Variants in STOML2 observed in about 807,000 individuals in gnomAD.
The protein encoded by STOML2 is stomatin-like protein 2, mitochondrial.
STOML2 carries 22 observed loss-of-function variants against 45.7 expected under a neutral mutation model. The ratio of observed to expected loss-of-function variants is 0.48; its 90% CI spans 0.34 to 0.69. The LOEUF (loss-of-function observed/expected upper bound fraction) is 0.69, where lower values mean the gene tolerates loss of function less well. STOML2 is among the 30% of genes least tolerant of loss of function. The pLI, the probability that STOML2 is intolerant of heterozygous loss-of-function variation, is 0.01. For missense variants in STOML2, 359 were observed against 466.9 expected (o/e 0.77, Z 2.13); for synonymous variants, 181 against 182.7 (o/e 0.99, Z 0.08).
At chr9:35,100,426 A>C (rs1829791774) in intron 9 of STOML2, among the ~76,000 whole-genome samples, 172 bp downstream of exon 9, 1 of 152,238 alleles carries the variant, frequency 6.6e-6, no homozygotes, top group Non-Finnish European at 1.5e-5. Context: ...TATTTGCAGG[A>C]CTGAGTGGAG....
rs1829855273 is a variant in STOML2, at chr9:35,102,902, A to G, written c.46-79T>C. The G allele has an allele frequency of 6.3e-7, 1 of 1,581,108 alleles. No individual in the cohort carries two copies. Among genetic ancestry groups the G allele is most frequent in the African/African-American group, 1.4e-5 (1 of 73,918 alleles). Reference sequence around the variant, plus strand: ...CTCGGTCCTGAAGGCATCTCCATAAACCACGACCCTCAGGATCCTCGGAGA... The same window carrying G: ...CTCGGTCCTGAAGGCATCTCCATAAGCCACGACCCTCAGGATCCTCGGAGA... On this transcript the variant is annotated intron_variant, in intron 1 of 9. Transcript: ENST00000356493. This position sits in a 1 kb window ranked among gnomAD's most constrained non-coding sequence, Gnocchi z 4.8.
chr9:35,101,794 C>T lies in STOML2; in HGVS notation c.360G>A (p.Glu120=), dbSNP rs764471819. ...GCTGGGTGACGGCATACTCAGGGTC[C>T]TCCACACCGTAGCTTGCCTGAGATG... The part of the protein sequence containing the change: ...MDPYKASYGV[E]DPEYAVTQLA... Residue 120 remains glutamate, a synonymous_variant, in exon 5 of 10, where the codon GAG becomes GAA. Transcript: ENST00000356493. This position sits in a 1 kb window ranked among gnomAD's most constrained non-coding sequence, Gnocchi z 4.3. 2 of 1,614,056 alleles carry T rather than the reference C, an allele frequency of 1.2e-6. No homozygotes were observed. The highest frequency in any genetic ancestry group is 1.7e-6 in the Non-Finnish European group (2 of 1,180,030).
chr9:35,101,925 C>G lies in STOML2; in HGVS notation c.321G>C (p.Leu107=). ...GTACCTTGTAAGGGTCCATGATGCG[C>G]AGGTAAAGGACTCCATCGATTTGCA... ...VTLQIDGVLY[L]RIMDPYKASY... is the part of the protein sequence containing the mutation. The change falls in exon 4 of 10, where the codon CTG becomes CTC. Residue 107 remains leucine (L), a synonymous_variant. Coordinates refer to ENST00000356493, the MANE Select transcript of STOML2 (RefSeq NM_013442.3). The surrounding 1 kb of genome is among the most constrained non-coding windows in gnomAD (Gnocchi z 4.3). 3 of 1,614,086 alleles carry G rather than the reference C, an allele frequency of 1.9e-6. No individual in the cohort carries two copies. The highest frequency in any genetic ancestry group is 2.5e-6 in the Non-Finnish European group (3 of 1,180,014).
Position 35,099,965 on chromosome 9 carries a change from G to T in STOML2, c.*70C>A. The T allele has an allele frequency of 6.4e-7, 1 of 1,557,358 alleles. No homozygotes were observed. The highest frequency in any genetic ancestry group is 8.7e-7 in the Non-Finnish European group (1 of 1,145,914). ...AAAAATAAAAACCAAAATCTTGGCA[G>T]GGAAGCTAGAGCCAGAATCAGGAAA... On this transcript the variant is annotated 3_prime_UTR_variant, in exon 10 of 10. Transcript: ENST00000356493.
rs1030977193 is a variant in STOML2, at chr9:35,102,349, C to T, written c.184-155G>A. On this transcript the variant is annotated intron_variant, in intron 2 of 9. Coordinates refer to ENST00000356493, the MANE Select transcript of STOML2 (RefSeq NM_013442.3). The surrounding 1 kb of genome is among the most constrained non-coding windows in gnomAD (Gnocchi z 4.8). Reference sequence around the variant, plus strand: ...AAGTCCTCAGAAGGCTGAGGTGTCACTGGTAAGAAAACCCAAGAGAACAGG... The same window carrying T: ...AAGTCCTCAGAAGGCTGAGGTGTCATTGGTAAGAAAACCCAAGAGAACAGG... 4 of 698,566 alleles carry T rather than the reference C, an allele frequency of 5.7e-6. No individual in the cohort carries two copies. The highest frequency in any genetic ancestry group is 5.4e-5 in the African/African-American group (3 of 55,458). 43.3% of individuals were successfully genotyped at this position (698,566 alleles called of 1,614,324 possible).
Position 35,103,054 on chromosome 9 carries a change from A to G in STOML2, c.41T>C (p.Leu14Pro). The change falls in exon 1 of 10, where the codon CTG becomes CCG. Residue 14 changes from leucine to proline, a missense_variant. Around this residue, in one of 2 missense-constraint regions of STOML2, gnomAD observed 74 missense variants for 45.0 expected, o/e 1.65. Coordinates refer to ENST00000356493, the MANE Select transcript of STOML2 (RefSeq NM_013442.3). ...GAAAGGTTGCCTCGCTCTCACCCTC[A>G]GCAAAAGGGCCCCAGTGCCCCGCGC... ...RAARGTGALL[L>P]RGSLLASGRA... 6.2e-7 allele frequency: 1 copy of G among 1,614,016 alleles called. No individual in the cohort carries two copies. Among genetic ancestry groups the G allele is most frequent in the Non-Finnish European group, 8.5e-7 (1 of 1,179,988 alleles).
chr9:35,102,435 G>A lies in STOML2; in HGVS notation c.184-241C>T, dbSNP rs1451146500. ...CATGAGAATCGGAGCCAGCAGAATA[G>A]CCATCTCTATGCAGACTGAGAGGTA... On this transcript the variant is annotated intron_variant, in intron 2 of 9. Transcript: ENST00000356493. This position sits in a 1 kb window ranked among gnomAD's most constrained non-coding sequence, Gnocchi z 4.8. 2 of 667,412 alleles carry A rather than the reference G, an allele frequency of 3.0e-6. No individual in the cohort carries two copies. The highest frequency in any genetic ancestry group is 2.5e-6 in the Non-Finnish European group (1 of 397,976). The allele number at this position is 667,412 out of a possible 1,614,324, so 41.3% of individuals were successfully genotyped here.
rs1466885292 is a variant in STOML2, at chr9:35,100,082, T to C, written c.1024A>G (p.Thr342Ala). ...AGTTCCTCATCAAGACTTGCATCTG[T>C]ACCCTGGACATCTCTGCTGCTCCCA... is the stretch of plus-strand genomic sequence containing the variant. ...SSGSSRDVQGTDASLDEELDR... is the reference protein window; with the variant it reads ...SSGSSRDVQGADASLDEELDR... The change falls in exon 10 of 10, where the codon ACA (threonine) becomes GCA (alanine). Residue 342 changes from threonine to alanine, a missense_variant. By Grantham distance (58) the Thr-to-Ala change is moderately conservative. This residue lies in a region of STOML2 where 285 missense variants were observed against 422.0 expected (regional missense o/e 0.68). Coordinates refer to ENST00000356493, the MANE Select transcript of STOML2 (RefSeq NM_013442.3). 3 of 1,614,114 alleles carry C rather than the reference T, an allele frequency of 1.9e-6. No individual in the cohort carries two copies. Among genetic ancestry groups the C allele is most frequent in the Non-Finnish European group, 2.5e-6 (3 of 1,180,048 alleles).
At position 35,101,977 on chromosome 9, in the gene STOML2, G is replaced by C. The variant is rs374440519; in HGVS notation, c.284-15C>G. On this transcript the variant is annotated splice_polypyrimidine_tract_variant and intron_variant, in intron 3 of 9. Transcript: ENST00000356493. The surrounding 1 kb of genome is among the most constrained non-coding windows in gnomAD (Gnocchi z 4.3). ...AGTTACATTGTCTGTAGAACCAGGA[G>C]AGAAAACGGGGAAAGTCAGGCCTCT... The C allele has an allele frequency of 2.5e-6, 4 of 1,614,034 alleles. No individual in the cohort carries two copies. The highest frequency in any genetic ancestry group is 3.4e-6 in the Non-Finnish European group (4 of 1,180,038).
chr9:35,101,614 A>G lies in STOML2; in HGVS notation c.445-54T>C. Reference sequence around the variant, plus strand: ...CTCAACCTACCTATCAAGGGCCTACACTGAGAAGGGCCTGGGACTGATCTT... The same window carrying G: ...CTCAACCTACCTATCAAGGGCCTACGCTGAGAAGGGCCTGGGACTGATCTT... On this transcript the variant is annotated intron_variant, in intron 5 of 9. Coordinates refer to ENST00000356493, the MANE Select transcript of STOML2 (RefSeq NM_013442.3). The surrounding 1 kb of genome is among the most constrained non-coding windows in gnomAD (Gnocchi z 4.3). 6.2e-7 allele frequency: 1 copy of G among 1,613,898 alleles called. No individual in the cohort carries two copies. The highest frequency in any genetic ancestry group is 1.1e-5 in the South Asian group (1 of 91,078).
intron 9 of STOML2, 88 bp from the exon 10 acceptor site, chr9:35,100,260 T>C (rs1394126689): frequency 3.3e-6 from 5 of 1,535,386 alleles, no homozygotes; most frequent in East Asian, 4.5e-5. Flanking sequence ...AAAGATGGCA[T>C]GGGGGCCAGT....
chr9:35,100,682 G>A lies in STOML2; in HGVS notation c.849C>T (p.Val283=). 1 of 1,614,132 alleles carries A rather than the reference G, an allele frequency of 6.2e-7. No individual in the cohort carries two copies. The highest frequency in any genetic ancestry group is 8.5e-7 in the Non-Finnish European group (1 of 1,180,022). Residue 283 remains valine, a synonymous_variant, in exon 9 of 10, where the codon GTC becomes GTT. Transcript: ENST00000356493. ...CCTTGGCCAGTTTGGAGAACGCGCT[G>A]ACATACTGCTCGGCCACAGTCAGTG... ...AASLTVAEQY[V]SAFSKLAKDS...
rs759538129 is a variant in STOML2, at chr9:35,102,860, G to A, written c.46-37C>T. The A allele has an allele frequency of 1.2e-6, 2 of 1,605,056 alleles. No individual in the cohort carries two copies. The highest frequency in any genetic ancestry group is 1.3e-5 in the African/African-American group (1 of 74,580). On this transcript the variant is annotated intron_variant, in intron 1 of 9. Transcript: ENST00000356493. The surrounding 1 kb of genome is among the most constrained non-coding windows in gnomAD (Gnocchi z 4.8). ...AAGAGGGTGAGCAGAGATCCCATCT[G>A]GCCAGACACGCCGCCCCTCGGTCCT...
rs1006866642 is a variant in STOML2, at chr9:35,101,617, G to A, written c.445-57C>T. ...AACCTACCTATCAAGGGCCTACACTGAGAAGGGCCTGGGACTGATCTTGAC... is the reference window on the plus strand; with the variant it reads ...AACCTACCTATCAAGGGCCTACACTAAGAAGGGCCTGGGACTGATCTTGAC... On this transcript the variant is annotated intron_variant, in intron 5 of 9. Coordinates refer to ENST00000356493, the MANE Select transcript of STOML2 (RefSeq NM_013442.3). The surrounding 1 kb of genome is among the most constrained non-coding windows in gnomAD (Gnocchi z 4.3). The A allele has an allele frequency of 6.2e-7, 1 of 1,613,944 alleles. No homozygotes were observed. The highest frequency in any genetic ancestry group is 1.7e-5 in the Admixed American group (1 of 60,022).
rs780464977 is a variant in STOML2 at position 35,101,790 on chromosome 9, G to A, written c.364C>T (p.Pro122Ser). Residue 122 changes from proline to serine, a missense_variant, in exon 5 of 10, where the codon CCT (proline) becomes TCT (serine). By Grantham distance (74) the Pro-to-Ser change is moderately conservative. Around this residue, in one of 2 missense-constraint regions of STOML2, gnomAD observed 285 missense variants for 422.0 expected, o/e 0.68. Coordinates refer to ENST00000356493, the MANE Select transcript of STOML2 (RefSeq NM_013442.3). This position sits in a 1 kb window ranked among gnomAD's most constrained non-coding sequence, Gnocchi z 4.3. ...GCTAGCTGGGTGACGGCATACTCAG[G>A]GTCCTCCACACCGTAGCTTGCCTGA... ...PYKASYGVED[P>S]EYAVTQLAQT... 5 of 1,614,116 alleles carry A rather than the reference G, an allele frequency of 3.1e-6. No individual in the cohort carries two copies. Among genetic ancestry groups the A allele is most frequent in the South Asian group, 1.1e-5 (1 of 91,078 alleles).
Position 35,101,264 on chromosome 9 carries a change from G to A in STOML2, c.595C>T (p.Arg199Trp), listed in dbSNP as rs376565687. The change falls in exon 7 of 10, where the codon CGG becomes TGG. Residue 199 changes from arginine (R) to tryptophan (W), a missense_variant. By Grantham distance (101) the Arg-to-Trp change is moderately radical. Around this residue, in one of 2 missense-constraint regions of STOML2, gnomAD observed 285 missense variants for 422.0 expected, o/e 0.68. Coordinates refer to ENST00000356493, the MANE Select transcript of STOML2 (RefSeq NM_013442.3). This position sits in a 1 kb window ranked among gnomAD's most constrained non-coding sequence, Gnocchi z 4.3. ...SMQMQVEAER[R>W]KRATVLESEG... is the part of the protein sequence containing the mutation. ...GACTCTAGAACTGTGGCCCGTTTCC[G>A]CCGCTCTGCCTCCACCTGGAAGCCC... The A allele has an allele frequency of 1.2e-5, 20 of 1,613,936 alleles. No individual in the cohort carries two copies. The highest frequency in any genetic ancestry group is 1.6e-4 in the Middle Eastern group (1 of 6,084).
Position 35,101,720 on chromosome 9 carries a change from T to C in STOML2, c.434A>G (p.Lys145Arg). 1.2e-6 allele frequency: 2 copies of C among 1,614,116 alleles called. No homozygotes were observed. Among genetic ancestry groups the C allele is most frequent in the Non-Finnish European group, 1.7e-6 (2 of 1,180,008 alleles). The change falls in exon 5 of 10, where the codon AAA becomes AGA. Residue 145 changes from lysine to arginine, a missense_variant. Physicochemically the swap from Lys to Arg is conservative, Grantham distance 26. Coordinates refer to ENST00000356493, the MANE Select transcript of STOML2 (RefSeq NM_013442.3). This position sits in a 1 kb window ranked among gnomAD's most constrained non-coding sequence, Gnocchi z 4.3. ...CTCAGATCTGCTTACCCGGAAGACT[T>C]TGTCCAGAGAGAGTTTGCCGAGCTC... ...RSELGKLSLD[K>R]VFRERESLNA...
In STOML2 at chr9:35,101,819, G is replaced by A; in HGVS notation, c.343-8C>T. 6.2e-7 allele frequency: 1 copy of A among 1,614,132 alleles called. No homozygotes were observed. The highest frequency in any genetic ancestry group is 8.5e-7 in the Non-Finnish European group (1 of 1,179,998). Reference sequence around the variant, plus strand: ...CTCCACACCGTAGCTTGCCTGAGATGGACACGGATAGTGTAAGAAGCTTGG... The same window carrying A: ...CTCCACACCGTAGCTTGCCTGAGATAGACACGGATAGTGTAAGAAGCTTGG... On this transcript the variant is annotated splice_polypyrimidine_tract_variant and splice_region_variant and intron_variant, in intron 4 of 9. Transcript: ENST00000356493. The surrounding 1 kb of genome is among the most constrained non-coding windows in gnomAD (Gnocchi z 4.3).
rs182668408 is a variant in STOML2 at position 35,100,843 on chromosome 9, C to A, written c.804+89G>T. 6.1e-4 allele frequency: 990 copies of A among 1,611,108 alleles called. 5 individuals are homozygous for A. The highest frequency in any genetic ancestry group is 2.3e-4 in the Admixed American group (14 of 59,952). ...ACCATGTAATCTGGCTCAACAGAGC[C>A]CACAGAGGCGGAACTCTCCTCAAGC... On this transcript the variant is annotated intron_variant, in intron 8 of 9. Transcript: ENST00000356493.
Sources: gnomAD v4.1 joint callset for allele counts (sites outside exome capture counted in the v4.1 genomes callset) on GRCh38, gnomAD v4.1.1 for gene constraint, gnomAD v4.1.1 regional missense constraint, Gnocchi (gnomAD v3.1) non-coding constraint, MANE v1.5 for transcripts, NCBI Gene and HGNC (gene_info 2026-07-23, HGNC 2026-07-21) for gene names.